The following ASTN2 variants were observed in gnomAD, a reference collection of about 807,000 sequenced individuals.
ASTN2 encodes astrotactin-2.
Under a neutral mutation model 139.8 loss-of-function variants are expected in ASTN2, and 54 were observed. The ratio of observed to expected loss-of-function variants is 0.39; its 90% CI spans 0.31 to 0.48. The LOEUF (loss-of-function observed/expected upper bound fraction) is 0.48, where lower values mean the gene tolerates loss of function less well. Ranked by LOEUF, ASTN2 falls within the 20% of genes least tolerant of loss-of-function variation. ASTN2 has a pLI of 0.95. For synonymous variants in ASTN2, 756 were observed against 719.5 expected (o/e 1.05, Z -0.81); for missense variants, 1,565 against 1,725.1 (o/e 0.91, Z 1.64).
At chr9:117,167,248 T>C (rs890651267) in intron 3 of ASTN2, among the ~76,000 whole-genome samples, 4 of 152,068 alleles carry the variant, frequency 2.6e-5, no homozygotes, top group South Asian at 2.1e-4. Context: ...CTACCTATCA[T>C]CCAATGTTGA....
At chr9:117,036,238 G>A (rs1838381171) in intron 6 of ASTN2, among the ~76,000 whole-genome samples, 1 of 152,124 alleles carries the variant, frequency 6.6e-6, no homozygotes, top group Non-Finnish European at 1.5e-5. Context: ...AGATATTATG[G>A]CATGTAAGGG....
intron 10 of ASTN2, among the ~76,000 whole-genome samples, chr9:116,867,862 A>G (rs1034834618): frequency 3.3e-5 from 5 of 151,948 alleles, no homozygotes; most frequent in African/African-American, 9.7e-5. Context: ...GCAAGACAGG[A>G]AAAAAAAGCT....
At chr9:117,329,108 G>A (rs562010089) in intron 1 of ASTN2, among the ~76,000 whole-genome samples, 2 of 151,868 alleles carry the variant, frequency 1.3e-5, no homozygotes, top group East Asian at 3.9e-4. Flanking sequence ...CAACAGGTCA[G>A]GGAAGACTTC....
intron 5 of ASTN2, among the ~76,000 whole-genome samples, chr9:117,072,865 G>A (rs1470298274): frequency 6.6e-6 from 1 of 152,130 alleles, no homozygotes; most frequent in East Asian, 1.9e-4. Context: ...AAAGGGTTAG[G>A]TATCCAAACA....
At chr9:116,957,871 G>C (rs1333198334) in intron 10 of ASTN2, among the ~76,000 whole-genome samples, 1 of 152,126 alleles carries the variant, frequency 6.6e-6, no homozygotes, top group African/African-American at 2.4e-5. Flanking sequence ...CACTGAGACG[G>C]GGTTTCACCA....
intron 10 of ASTN2, among the ~76,000 whole-genome samples, chr9:116,876,851 A>G (rs1833316392): frequency 6.6e-6 from 1 of 152,240 alleles, no homozygotes; most frequent in East Asian, 1.9e-4. Context: ...ATGCACTAGG[A>G]AACAAAAGTA....
At chr9:116,579,979 G>A (rs1015206102) in intron 19 of ASTN2, among the ~76,000 whole-genome samples, 1 of 152,034 alleles carries the variant, frequency 6.6e-6, no homozygotes, top group South Asian at 2.1e-4. Context: ...GTGCCACCAC[G>A]CCCGGCTAAC....
At chr9:116,965,110 T>C (rs1835978175) in intron 10 of ASTN2, among the ~76,000 whole-genome samples, 1 of 152,236 alleles carries the variant, frequency 6.6e-6, no homozygotes, top group African/African-American at 2.4e-5. Flanking sequence ...GAGTTCATCA[T>C]GATGCTTTCC....
At chr9:116,632,334 T>TA (rs35426791) in intron 17 of ASTN2, among the ~76,000 whole-genome samples, 130,410 of 146,886 alleles carry the variant, frequency 0.89, 58,119 homozygotes, top group East Asian at 0.96. Flanking sequence ...TCAATAATAA[T>TA]AAAAAAAAAA....
At chr9:117,108,021 T>G (rs1009653917) in intron 4 of ASTN2, among the ~76,000 whole-genome samples, 4 of 152,188 alleles carry the variant, frequency 2.6e-5, no homozygotes, top group African/African-American at 7.2e-5. Context: ...ACTGACTGCC[T>G]GCTACATGTC....
chr9:116,975,365 A>C lies in ASTN2; in HGVS notation c.1752-20T>G. The C allele has an allele frequency of 6.3e-7, 1 of 1,583,150 alleles. No homozygotes were observed. Among genetic ancestry groups the C allele is most frequent in the Non-Finnish European group, 8.6e-7 (1 of 1,165,210 alleles). On this transcript the variant is annotated intron_variant, in intron 9 of 22. Coordinates refer to ENST00000313400, the MANE Select transcript of ASTN2 (RefSeq NM_001365068.1). ...GTAGACCTGCAATGTAAGAGTTTCC[A>C]TTGGGGAACTCCCTGGGAAGCAGAG...
Position 116,699,917 on chromosome 9 carries a change from G to A in ASTN2, c.2806+25854C>T. 1.5e-6 allele frequency: 1 copy of A among 672,636 alleles called. No individual in the cohort carries two copies. The allele number at this position is 672,636 out of a possible 1,614,324, so 41.7% of individuals were successfully genotyped here. ...AATTTAGAGCTTTAAAAGATGCACT[G>A]CCCAAATAGGACACACGATGGTGTT... On this transcript the variant is annotated intron_variant, in intron 16 of 22. Transcript: ENST00000313400. The surrounding 1 kb of genome is among the most constrained non-coding windows in gnomAD (Gnocchi z 4.2).
At chr9:116,889,239 AAAG>A (rs1306014981) in intron 10 of ASTN2, among the ~76,000 whole-genome samples, 2 of 152,274 alleles carry the variant, frequency 1.3e-5, no homozygotes, top group East Asian at 1.9e-4. Context: ...GAAGAGGAAA[AAAG>A]AAGGCAAGAG....
At chr9:116,971,746 G>A (rs1836211153) in intron 10 of ASTN2, among the ~76,000 whole-genome samples, 1 of 152,196 alleles carries the variant, frequency 6.6e-6, no homozygotes, top group African/African-American at 2.4e-5. Flanking sequence ...TTACAATAAT[G>A]AGCATGATAA....
In ASTN2 at chr9:116,958,329, G is replaced by A. The variant is rs189822962; in HGVS notation, c.1889+16879C>T. Among the ~76,000 whole-genome samples the A allele has an allele frequency of 2.8e-3, 432 of 152,226 alleles. 1 individual carries two copies. Among genetic ancestry groups the A allele is most frequent in the African/African-American group, 0.01 (419 of 41,550 alleles). ...ACACTGGCCGGGCGTGGTGGCTCAC[G>A]CCTGTAATCTCAGCACTTTGAGAGG... is the stretch of plus-strand genomic sequence containing the variant. On this transcript the variant is annotated intron_variant, in intron 10 of 22. Transcript: ENST00000313400.
chr9:117,024,300 A>T (rs944435491), intron 6 of ASTN2, among the ~76,000 whole-genome samples: 25 of 152,178 alleles, frequency 1.6e-4, no homozygotes, highest in Non-Finnish European at 2.9e-4. Context: ...AGTCTACCTC[A>T]TTGTCAAATC....
intron 19 of ASTN2, among the ~76,000 whole-genome samples, chr9:116,526,555 G>C (rs1223239054): frequency 6.6e-6 from 1 of 150,962 alleles, no homozygotes; most frequent in African/African-American, 2.4e-5. Context: ...CCAGGGGTCA[G>C]AAGTTGCAGT....
intron 16 of ASTN2, chr9:116,687,169 C>G: frequency 9.4e-7 from 1 of 1,065,624 alleles, no homozygotes; most frequent in South Asian, 3.1e-5. Context: ...CCCGGGTTCT[C>G]AGAGGAAAGC....
chr9:117,235,298 T>C (rs1412036963), intron 2 of ASTN2, among the ~76,000 whole-genome samples: 2 of 151,938 alleles, frequency 1.3e-5, no homozygotes, highest in Non-Finnish European at 2.9e-5. Flanking sequence ...CTATTGCATG[T>C]CATTTATTGG....
Sources: allele counts gnomAD v4.1 joint callset (sites outside exome capture counted in the v4.1 genomes callset), GRCh38; gene constraint gnomAD v4.1.1; non-coding constraint Gnocchi (gnomAD v3.1); transcripts MANE v1.5; gene names NCBI Gene and HGNC (gene_info 2026-07-23, HGNC 2026-07-21).